The following ZNF536 variants were observed in gnomAD, a reference collection of about 807,000 sequenced individuals.
ZNF536 encodes zinc finger protein 536.
ZNF536 carries 13 observed loss-of-function variants against 84.5 expected under a neutral mutation model. That is an observed-to-expected ratio of 0.15 (90% CI 0.10 to 0.24). The LOEUF (loss-of-function observed/expected upper bound fraction) is 0.24, where lower values mean the gene tolerates loss of function less well. Among genes scored for constraint, ZNF536 ranks in the 10% least tolerant of loss-of-function variants. The probability of loss-of-function intolerance (pLI) is 1.00; values close to 1 mark genes in which losing one functional copy is unlikely to be tolerated. For missense variants in ZNF536, 1,536 were observed against 1,747.5 expected, an observed-to-expected ratio of 0.88 and a Z score of 2.16; for synonymous variants, 811 against 742.5, an observed-to-expected ratio of 1.09 and a Z score of -1.50.
intron 1 of ZNF536, among the ~76,000 whole-genome samples, chr19:30,666,411 A>C (rs1600202786): frequency 7.8e-5 from 11 of 141,490 alleles, no homozygotes; most frequent in South Asian, 4.6e-4. Flanking sequence ...CCTCCCTTCC[A>C]CTCCCTCCTC....
chr19:30,606,209 A>AAAT (rs1232550118), intron 1 of ZNF536, among the ~76,000 whole-genome samples: 15 of 81,008 alleles, frequency 1.9e-4, no homozygotes, highest in South Asian at 6.9e-4. Context: ...AAATAAAATA[A>AAAT]AATAAAATAT....
chr19:30,445,178 C>A lies in ZNF536; in HGVS notation c.1616C>A (p.Ser539Tyr), dbSNP rs2052261838. The A allele has an allele frequency of 6.2e-7, 1 of 1,614,058 alleles. No individual in the cohort carries two copies. Among genetic ancestry groups the A allele is most frequent in the Non-Finnish European group, 8.5e-7 (1 of 1,180,048 alleles). ...RGMAMEHGFLSKEHPLQRNHE... is the reference protein window; with the variant it reads ...RGMAMEHGFLYKEHPLQRNHE... ...ATGGCCATGGAACATGGCTTCTTGTCTAAAGAGCATCCGCTGCAGCGCAAC... is the reference window on the plus strand; with the variant it reads ...ATGGCCATGGAACATGGCTTCTTGTATAAAGAGCATCCGCTGCAGCGCAAC... The change falls in exon 2 of 5, where the codon TCT (serine) becomes TAT (tyrosine). Residue 539 changes from serine (S) to tyrosine (Y), a missense_variant. Coordinates refer to ENST00000355537, the MANE Select transcript of ZNF536 (RefSeq NM_014717.3). The surrounding 1 kb of genome is among the most constrained non-coding windows in gnomAD (Gnocchi z 4.5).
intron 1 of ZNF536, among the ~76,000 whole-genome samples, chr19:30,674,523 G>C (rs1312484582): frequency 6.6e-6 from 1 of 152,210 alleles, no homozygotes. Flanking sequence ...ATTGGGAAGG[G>C]AAGGAAACCA....
At chr19:30,279,194 A>G (rs2145598386) in intron 1 of ZNF536, among the ~76,000 whole-genome samples, 1 of 152,224 alleles carries the variant, frequency 6.6e-6, no homozygotes. Context: ...CACTTCCTCC[A>G]GCTTTATTAT....
intron 1 of ZNF536, among the ~76,000 whole-genome samples, chr19:30,266,464 A>T (rs74713436): frequency 0.016 from 2,447 of 152,228 alleles, 68 homozygotes; most frequent in African/African-American, 0.055. Context: ...TGGCTTCCCC[A>T]AGGGAACGGT....
chr19:30,361,630 T>G (rs2048278022), intron 3 of ZNF536, among the ~76,000 whole-genome samples: 1 of 152,166 alleles, frequency 6.6e-6, no homozygotes, highest in Non-Finnish European at 1.5e-5. Context: ...TTTCTCTTTG[T>G]GCCAGCTGTT....
chr19:30,526,403 A>C (rs959733161), intron 2 of ZNF536, among the ~76,000 whole-genome samples: 4 of 152,192 alleles, frequency 2.6e-5, no homozygotes, highest in African/African-American at 4.8e-5. Context: ...CCCAGCAGGG[A>C]GTTTCACAGA....
intron 1 of ZNF536, among the ~76,000 whole-genome samples, chr19:30,393,217 C>T (rs1252948585): frequency 1.3e-5 from 2 of 151,968 alleles, no homozygotes; most frequent in African/African-American, 2.4e-5. Context: ...CAGTTTAATG[C>T]GGTAGGATGG....
intron 1 of ZNF536, among the ~76,000 whole-genome samples, chr19:30,413,124 C>A (rs1233463826): frequency 1.3e-5 from 2 of 152,036 alleles, no homozygotes; most frequent in Non-Finnish European, 2.9e-5. Flanking sequence ...ATCCATATTG[C>A]CACATTTATT....
chr19:30,709,453 C>T lies in ZNF536; in HGVS notation c.170-1304C>T, dbSNP rs1881463087. 1.3e-5 allele frequency among the ~76,000 whole-genome samples: 2 copies of T among 152,150 alleles called. 1 individual carries two copies. The highest frequency in any genetic ancestry group is 4.1e-4 in the South Asian group (2 of 4,828). ...CCCAAACACACGCTCCCTTGCCATT[C>T]TTGGTTTGCTCAACAATAAAGAGTC... On this transcript the variant is annotated intron_variant, in intron 1 of 1. Coordinates refer to the ZNF536 transcript ENST00000592773.
At chr19:30,460,069 A>C (rs2053062835) in intron 2 of ZNF536, among the ~76,000 whole-genome samples, 1 of 152,154 alleles carries the variant, frequency 6.6e-6, no homozygotes, top group Non-Finnish European at 1.5e-5. Context: ...CTCACACCTC[A>C]CATCCCCATG....
intron 1 of ZNF536, among the ~76,000 whole-genome samples, chr19:30,602,615 C>A (rs866112089): frequency 1.3e-5 from 2 of 152,128 alleles, no homozygotes; most frequent in African/African-American, 4.8e-5. Context: ...GCTAAGACCA[C>A]GTGTGCATAT....
At position 30,475,820 on chromosome 19, in the gene ZNF536, C is replaced by T. The variant is rs12972065; in HGVS notation, c.2170+30088C>T. 2.6e-3 allele frequency among the ~76,000 whole-genome samples: 393 copies of T among 152,296 alleles called. 1 individual carries two copies. Among genetic ancestry groups the T allele is most frequent in the Non-Finnish European group, 4.4e-3 (297 of 68,028 alleles). On this transcript the variant is annotated intron_variant, in intron 2 of 4. Coordinates refer to ENST00000355537, the MANE Select transcript of ZNF536 (RefSeq NM_014717.3). ...CTGGAATGCTTGATGAGGGGTCCCCCTTTCTCCCCTGTCTCCCCATGTTCA... is the reference window on the plus strand; with the variant it reads ...CTGGAATGCTTGATGAGGGGTCCCCTTTTCTCCCCTGTCTCCCCATGTTCA...
At chr19:30,634,559 C>T (rs2048998761) in intron 1 of ZNF536, among the ~76,000 whole-genome samples, 1 of 152,120 alleles carries the variant, frequency 6.6e-6, no homozygotes, top group Non-Finnish European at 1.5e-5. Flanking sequence ...AGCAGTCCCT[C>T]AAGGGCACCT....
intron 1 of ZNF536, among the ~76,000 whole-genome samples, chr19:30,656,911 C>A (rs1170385159): frequency 6.6e-6 from 1 of 152,192 alleles, no homozygotes; most frequent in Non-Finnish European, 1.5e-5. Flanking sequence ...TGAGAACCTG[C>A]TTTGAAGGCC....
chr19:30,289,167 A>G (rs1179484368), intron 2 of ZNF536, among the ~76,000 whole-genome samples: 2 of 152,188 alleles, frequency 1.3e-5, no homozygotes, highest in African/African-American at 4.8e-5. Flanking sequence ...GGGTGGGGAC[A>G]GCCAGCCCTT....
intron 1 of ZNF536, among the ~76,000 whole-genome samples, chr19:30,442,413 C>T (rs1473727574): frequency 6.6e-6 from 1 of 152,196 alleles, no homozygotes; most frequent in African/African-American, 2.4e-5. Flanking sequence ...ACTGCAGGTA[C>T]AATTTGTACT....
At chr19:30,638,969 A>C (rs2049170007) in intron 1 of ZNF536, among the ~76,000 whole-genome samples, 1 of 152,130 alleles carries the variant, frequency 6.6e-6, no homozygotes, top group Non-Finnish European at 1.5e-5. Context: ...TTTCTACCTA[A>C]ACTCCTTATC....
intron 1 of ZNF536, among the ~76,000 whole-genome samples, chr19:30,281,009 G>T (rs1343196654): frequency 1.3e-5 from 2 of 152,174 alleles, no homozygotes; most frequent in East Asian, 1.9e-4. Context: ...AGGGATGGGG[G>T]TGTGTGGACT....
Sources: allele counts gnomAD v4.1 joint callset (sites outside exome capture counted in the v4.1 genomes callset), GRCh38; gene constraint gnomAD v4.1.1; non-coding constraint Gnocchi (gnomAD v3.1); transcripts MANE v1.5; gene names NCBI Gene and HGNC (gene_info 2026-07-23, HGNC 2026-07-21).